SKP1: variants seen among roughly 807,000 people sequenced by gnomAD.
SKP1 encodes S-phase kinase associated protein 1.
In SKP1, 1 loss-of-function variant was observed where a neutral mutation model predicts 21.5. The ratio of observed to expected loss-of-function variants is 0.05; its 90% CI spans 0.02 to 0.22. SKP1 has a LOEUF of 0.22. Ranked by LOEUF, SKP1 falls within the 10% of genes least tolerant of loss-of-function variation. The pLI, the probability that SKP1 is intolerant of heterozygous loss-of-function variation, is 1.00. For missense variants in SKP1, 70 were observed against 192.0 expected (o/e 0.36, Z 3.76); for synonymous variants, 59 against 59.3 (o/e 0.99, Z 0.03).
Position 134,158,436 on chromosome 5 carries a change from A to C in SKP1, c.456+19T>G, listed in dbSNP as rs1114167278. On this transcript the variant is annotated intron_variant, in intron 5 of 5. Coordinates refer to ENST00000353411, the MANE Select transcript of SKP1 (RefSeq NM_170679.3). The stretch of plus-strand genomic sequence containing the variant: ...TTTTTAAGAGCATGTGATCAAAGAC[A>C]AAACTGTGTGCTACCTACCTGGGCT... 1.2e-6 allele frequency: 2 copies of C among 1,614,018 alleles called. No homozygotes were observed. The highest frequency in any genetic ancestry group is 3.3e-5 in the Admixed American group (2 of 60,022).
intron 2 of SKP1, among the ~76,000 whole-genome samples, chr5:134,172,345 T>TA (rs1761457505): frequency 1.3e-5 from 2 of 152,198 alleles, no homozygotes; most frequent in Admixed American, 1.3e-4. Flanking sequence ...TTTCCCTACA[T>TA]AAAAAACCTC....
chr5:134,149,768 G>C lies in SKP1; in HGVS notation c.*7965C>G, dbSNP rs1328953960. 4.0e-5 allele frequency: 6 copies of C among 151,590 alleles called. No individual in the cohort carries two copies. The highest frequency in any genetic ancestry group is 7.4e-5 in the Non-Finnish European group (5 of 67,980). The allele number at this position is 151,590 out of a possible 1,614,324, so 9.4% of individuals were successfully genotyped here. On this transcript the variant is annotated 3_prime_UTR_variant, in exon 6 of 6. Transcript: ENST00000353411. ...TGCATCTGATTTGGTGTCTCACTTA[G>C]AGTACACAGGGTACCTGAACAATGC...
chr5:134,163,332 A>G (rs1761257912), intron 3 of SKP1, among the ~76,000 whole-genome samples: 1 of 151,912 alleles, frequency 6.6e-6, no homozygotes, highest in Non-Finnish European at 1.5e-5. Flanking sequence ...TGGTGCCAGT[A>G]AAAAAGAAAA....
At chr5:134,159,144 G>A (rs1761172215) in intron 4 of SKP1, among the ~76,000 whole-genome samples, 2 of 152,050 alleles carry the variant, frequency 1.3e-5, no homozygotes, top group South Asian at 4.1e-4. Flanking sequence ...TAATAATATA[G>A]GTATTTCATT....
chr5:134,148,947 G>A lies in SKP1; in HGVS notation c.*8786C>T, dbSNP rs1760990823. 1 of 152,158 alleles carries A rather than the reference G, an allele frequency of 6.6e-6. No homozygotes were observed. The highest frequency in any genetic ancestry group is 2.1e-4 in the South Asian group (1 of 4,826). 9.4% of individuals were successfully genotyped at this position (152,158 alleles called of 1,614,324 possible). ...TTAAAAAGTTACATACGCTGTTGGT[G>A]GACACGACAGCCACCATATCCACTT... On this transcript the variant is annotated 3_prime_UTR_variant, in exon 6 of 6. Coordinates refer to ENST00000353411, the MANE Select transcript of SKP1 (RefSeq NM_170679.3).
chr5:134,162,902 G>A (rs113607450), intron 3 of SKP1, among the ~76,000 whole-genome samples: 9 of 151,622 alleles, frequency 5.9e-5, no homozygotes, highest in African/African-American at 1.5e-4. Flanking sequence ...GAGACACCCC[G>A]TCTCTACAAA....
At position 134,149,309 on chromosome 5, in the gene SKP1, C is replaced by T. The variant is rs1164802566; in HGVS notation, c.*8424G>A. The T allele has an allele frequency of 6.6e-6, 1 of 152,190 alleles. No individual in the cohort carries two copies. Among genetic ancestry groups the T allele is most frequent in the Admixed American group, 6.5e-5 (1 of 15,280 alleles). The allele number at this position is 152,190 out of a possible 1,614,324, so 9.4% of individuals were successfully genotyped here. On this transcript the variant is annotated 3_prime_UTR_variant, in exon 6 of 6. Coordinates refer to ENST00000353411, the MANE Select transcript of SKP1 (RefSeq NM_170679.3). ...TATACCATGTGTACTCACTGTTTAGCTCCCTACAACCCACTTTTTACATGA... is the reference window on the plus strand; with the variant it reads ...TATACCATGTGTACTCACTGTTTAGTTCCCTACAACCCACTTTTTACATGA...
chr5:134,149,919 G>A lies in SKP1; in HGVS notation c.*7814C>T, dbSNP rs1332175195. On this transcript the variant is annotated 3_prime_UTR_variant, in exon 6 of 6. Coordinates refer to ENST00000353411, the MANE Select transcript of SKP1 (RefSeq NM_170679.3). ...CCAAATCACCCTGGTGCATTCCTGC[G>A]AGGCCAGAGGGTGACTTGAGATTGC... 5.9e-5 allele frequency: 9 copies of A among 151,636 alleles called. 1 individual carries two copies. Among genetic ancestry groups the A allele is most frequent in the African/African-American group, 4.9e-5 (2 of 41,210 alleles). 9.4% of individuals were successfully genotyped at this position (151,636 alleles called of 1,614,324 possible).
rs1395712480 is a variant in SKP1, at chr5:134,154,571, C to G, written c.*3162G>C. On this transcript the variant is annotated 3_prime_UTR_variant, in exon 6 of 6. Transcript: ENST00000353411. ...AAGGTTTTGGTTTACTTTTAGATCA[C>G]AAGTGACATAATCAATGAAAAGGTG... 1 of 150,730 alleles carries G rather than the reference C, an allele frequency of 6.6e-6. No homozygotes were observed. The highest frequency in any genetic ancestry group is 1.5e-5 in the Non-Finnish European group (1 of 67,852). 9.3% of individuals were successfully genotyped at this position (150,730 alleles called of 1,614,324 possible). A position where few individuals can be genotyped will look rare whatever the true frequency, so the allele number is the denominator to read the frequency against.
chr5:134,151,849 A>G lies in SKP1; in HGVS notation c.*5884T>C, dbSNP rs1761049047. On this transcript the variant is annotated 3_prime_UTR_variant, in exon 6 of 6. Transcript: ENST00000353411. The stretch of plus-strand genomic sequence containing the variant: ...GAATTAGCCATCTATCACTCAAACT[A>G]TGTCCCGCATTGGAAGTGTGTCAAG... 1 of 335,426 alleles carries G rather than the reference A, an allele frequency of 3.0e-6. No homozygotes were observed. Among genetic ancestry groups the G allele is most frequent in the Non-Finnish European group, 6.2e-6 (1 of 162,232 alleles). The allele number at this position is 335,426 out of a possible 1,614,324, so 20.8% of individuals were successfully genotyped here.
In SKP1 at chr5:134,174,025, A is replaced by T. The variant is rs781024014; in HGVS notation, c.1-3T>A. 1.0e-5 allele frequency: 14 copies of T among 1,399,108 alleles called. 1 individual carries two copies. The South Asian group carries it at 1.2e-4, about 12-fold the overall frequency. 86.7% of individuals were successfully genotyped at this position (1,399,108 alleles called of 1,614,324 possible). On this transcript the variant is annotated splice_polypyrimidine_tract_variant and splice_region_variant and intron_variant, in intron 1 of 5. Transcript: ENST00000353411. ...CTCTGCAACTTAATTGAAGGCATCT[A>T]AAAAAAAAGGACATTAAATATAAAA...
At chr5:134,168,453 A>G (rs758450949) in intron 2 of SKP1, among the ~76,000 whole-genome samples, 1 of 152,232 alleles carries the variant, frequency 6.6e-6, no homozygotes, top group Non-Finnish European at 1.5e-5. Flanking sequence ...TGATCCTAAG[A>G]TTAAAGTTTT....
In SKP1 at chr5:134,157,671, C is replaced by G. The variant is rs1369968951; in HGVS notation, c.*62G>C. 2 of 1,279,070 alleles carry G rather than the reference C, an allele frequency of 1.6e-6. No homozygotes were observed. Among genetic ancestry groups the G allele is most frequent in the African/African-American group, 2.9e-5 (2 of 68,290 alleles). 79.2% of individuals were successfully genotyped at this position (1,279,070 alleles called of 1,614,324 possible). On this transcript the variant is annotated 3_prime_UTR_variant, in exon 6 of 6. Transcript: ENST00000353411. ...TTTGTCTAATATTAACAATTATAAA[C>G]AGAGCAGTGCAACTAGTATTTGGAA... is the stretch of plus-strand genomic sequence containing the variant.
At chr5:134,175,496 A>G (rs1761523079) in intron 1 of SKP1, 2 of 152,352 alleles carry the variant, frequency 1.3e-5, no homozygotes, top group South Asian at 2.1e-4. Flanking sequence ...TTAATTATAA[A>G]ACATTTAAAC....
At chr5:134,167,868 T>C (rs1221343898) in intron 2 of SKP1, among the ~76,000 whole-genome samples, 1 of 152,248 alleles carries the variant, frequency 6.6e-6, no homozygotes, top group Non-Finnish European at 1.5e-5. Context: ...GCATATGTTA[T>C]ATGCCAATAC....
intron 3 of SKP1, among the ~76,000 whole-genome samples, chr5:134,162,728 T>G (rs1013758170): frequency 2.0e-5 from 3 of 152,160 alleles, no homozygotes; most frequent in African/African-American, 7.2e-5. Flanking sequence ...TTAGGAAGTA[T>G]TCCAACTATA....
chr5:134,167,272 T>G (rs777543916), intron 2 of SKP1, 29 bp from the exon 3 acceptor site: 1 of 1,410,250 alleles, frequency 7.1e-7, no homozygotes, highest in Non-Finnish European at 1.0e-6. Flanking sequence ...AGTTTCTATT[T>G]CCTAATTCCA....
intron 2 of SKP1, among the ~76,000 whole-genome samples, chr5:134,168,732 T>C (rs368010090): frequency 9.2e-5 from 14 of 152,132 alleles, no homozygotes; most frequent in Admixed American, 2.6e-4. Context: ...GCAAGTAGAA[T>C]GTGAAAAGAG....
chr5:134,170,201 T>G (rs942112406), intron 2 of SKP1, among the ~76,000 whole-genome samples: 2 of 150,018 alleles, frequency 1.3e-5, no homozygotes, highest in Non-Finnish European at 2.9e-5. Flanking sequence ...AATAAAGGCT[T>G]TTATGACTGT....
Sources: gnomAD v4.1 joint callset for allele counts (sites outside exome capture counted in the v4.1 genomes callset) on GRCh38, gnomAD v4.1.1 for gene constraint, MANE v1.5 for transcripts, NCBI Gene and HGNC (gene_info 2026-07-23, HGNC 2026-07-21) for gene names.